The following VTI1B variants were observed in gnomAD, a reference collection of about 807,000 sequenced individuals.
The protein encoded by VTI1B is vesicle transport through interaction with t-SNAREs homolog 1B.
Under a neutral mutation model 28.6 loss-of-function variants are expected in VTI1B, and 18 were observed. That is an observed-to-expected ratio of 0.63 (90% confidence interval 0.43 to 0.93). VTI1B has a LOEUF of 0.93. VTI1B is among the 40% of genes least tolerant of loss of function. The pLI is 0.00. For missense variants in VTI1B, 283 were observed against 297.0 expected (o/e 0.95, Z 0.35); for synonymous variants, 100 against 107.9 (o/e 0.93, Z 0.46).
In VTI1B at chr14:67,649,380, C is replaced by A. The variant is rs2037143044; in HGVS notation, c.*2005G>T. ...CTACAAAAAATAATTAGCCAGGTGT[C>A]CCAACTACTTGGGAGGTTGAGGCTG... On this transcript the variant is annotated 3_prime_UTR_variant, in exon 6 of 6. Transcript: ENST00000554659. 1 of 152,038 alleles carries A rather than the reference C, an allele frequency of 6.6e-6. No individual in the cohort carries two copies. The highest frequency in any genetic ancestry group is 6.6e-5 in the Admixed American group (1 of 15,248). The allele number at this position is 152,038 out of a possible 1,614,324, so 9.4% of individuals were successfully genotyped here.
At chr14:67,662,188 A>G (rs201302728) in intron 2 of VTI1B, among the ~76,000 whole-genome samples, 5 of 152,072 alleles carry the variant, frequency 3.3e-5, no homozygotes, top group African/African-American at 9.7e-5. Flanking sequence ...ACAAAAAAAA[A>G]AACAACAGAT....
Position 67,674,514 on chromosome 14 carries a change from G to A in VTI1B, c.-25C>T, listed in dbSNP as rs2037510114. 3.8e-6 allele frequency: 6 copies of A among 1,568,720 alleles called. No homozygotes were observed. The highest frequency in any genetic ancestry group is 1.9e-5 in the Admixed American group (1 of 53,204). On this transcript the variant is annotated 5_prime_UTR_variant, in exon 1 of 6. Coordinates refer to ENST00000554659, the MANE Select transcript of VTI1B (RefSeq NM_006370.3). Reference sequence around the variant, plus strand: ...TGGCGCAGGCCGCGCTGGAGCAGCGGCCACCGAGATTCGGGGCCCTGGGCC... The same window carrying A: ...TGGCGCAGGCCGCGCTGGAGCAGCGACCACCGAGATTCGGGGCCCTGGGCC...
At position 67,659,714 on chromosome 14, in the gene VTI1B, A is replaced by T. The variant is rs747566724; in HGVS notation, c.366+17T>A. 1.2e-5 allele frequency: 19 copies of T among 1,573,274 alleles called. No individual in the cohort carries two copies. The highest frequency in any genetic ancestry group is 2.0e-5 in the Admixed American group (1 of 50,642). ...CCTTAAAGGAAAAAAAAAACAAACA[A>T]AACAGCTAAAACTTACCATATGCTC... On this transcript the variant is annotated intron_variant, in intron 3 of 5. Transcript: ENST00000554659.
intron 5 of VTI1B, 128 bp from the exon 6 acceptor site, chr14:67,651,609 G>A (rs2037178473): frequency 2.0e-6 from 2 of 1,015,084 alleles, no homozygotes; most frequent in East Asian, 2.8e-5. Flanking sequence ...CAGCCACTTA[G>A]CAGGAAGTAC....
chr14:67,658,387 G>A (rs1476481638), intron 3 of VTI1B, among the ~76,000 whole-genome samples: 1 of 152,078 alleles, frequency 6.6e-6, no homozygotes, highest in Non-Finnish European at 1.5e-5. Context: ...AAGGTCAGGA[G>A]ATGGAGATCA....
At chr14:67,653,305 G>C in intron 5 of VTI1B, 132 bp downstream of exon 5, 1 of 652,772 alleles carries the variant, frequency 1.5e-6, no homozygotes, top group East Asian at 2.7e-5. Flanking sequence ...TCTGCTGGGT[G>C]GTACTGAGTA....
In VTI1B at chr14:67,674,359, C is replaced by A; in HGVS notation, c.115+16G>T. 2 of 1,573,820 alleles carry A rather than the reference C, an allele frequency of 1.3e-6. No homozygotes were observed. The highest frequency in any genetic ancestry group is 2.3e-5 in the South Asian group (2 of 87,378). On this transcript the variant is annotated intron_variant, in intron 1 of 5. Transcript: ENST00000554659. ...CAGGGCTGCGCTCCCCACGGCGTGG[C>A]CCACCCCCGCCTCACCGGTCCCCGC...
Position 67,650,078 on chromosome 14 carries a change from A to C in VTI1B, c.*1307T>G, listed in dbSNP as rs2037152248. 6.6e-6 allele frequency: 1 copy of C among 152,294 alleles called. No individual in the cohort carries two copies. Among genetic ancestry groups the C allele is most frequent in the East Asian group, 1.9e-4 (1 of 5,190 alleles). 9.4% of individuals were successfully genotyped at this position (152,294 alleles called of 1,614,324 possible). A position where few individuals can be genotyped will look rare whatever the true frequency, so the allele number is the denominator to read the frequency against. On this transcript the variant is annotated 3_prime_UTR_variant, in exon 6 of 6. Coordinates refer to ENST00000554659, the MANE Select transcript of VTI1B (RefSeq NM_006370.3). Reference sequence around the variant, plus strand: ...GATAAAATAATTAACATATGGCTGAATTTTCTCTTGATCAAGTACAAGACA... The same window carrying C: ...GATAAAATAATTAACATATGGCTGACTTTTCTCTTGATCAAGTACAAGACA...
At chr14:67,661,225 G>A (rs1459526162) in intron 2 of VTI1B, among the ~76,000 whole-genome samples, 3 of 134,738 alleles carry the variant, frequency 2.2e-5, no homozygotes, top group African/African-American at 8.2e-5. Context: ...GTTTGCTGAA[G>A]CTAGAGTATG....
intron 2 of VTI1B, among the ~76,000 whole-genome samples, chr14:67,661,529 C>CTTT (rs35440818): frequency 4.0e-4 from 44 of 110,042 alleles, no homozygotes; most frequent in East Asian, 2.1e-3. Context: ...GAACAGTAAC[C>CTTT]TTTTTTTTTT....
rs370664951 is a variant in VTI1B, at chr14:67,669,316, T to C, written c.115+5059A>G. ...ACGGAGTCTTGCTCTGTCACCCAGG[T>C]TGGAGTGCAATGATGTGATGACAGC... On this transcript the variant is annotated intron_variant, in intron 1 of 5. Coordinates refer to ENST00000554659, the MANE Select transcript of VTI1B (RefSeq NM_006370.3). Among the ~76,000 whole-genome samples, 46 of 151,614 alleles carry C rather than the reference T, an allele frequency of 3.0e-4. 1 individual carries two copies. Among genetic ancestry groups the C allele is most frequent in the African/African-American group, 1.1e-3 (45 of 41,316 alleles).
chr14:67,654,951 C>T (rs2037235074), intron 4 of VTI1B, among the ~76,000 whole-genome samples: 1 of 146,284 alleles, frequency 6.8e-6, no homozygotes, highest in South Asian at 2.2e-4. Context: ...ATGGCATGAA[C>T]CTGGGAGGCG....
intron 1 of VTI1B, 56 bp from the exon 2 acceptor site, chr14:67,662,591 G>A (rs2037351502): frequency 4.0e-6 from 6 of 1,483,104 alleles, no homozygotes; most frequent in Admixed American, 3.8e-5. Context: ...CATTTGTAAA[G>A]GCCATTCCCT....
chr14:67,653,496 C>T lies in VTI1B; in HGVS notation c.543G>A (p.Leu181=), dbSNP rs767823184. 18 of 1,613,256 alleles carry T rather than the reference C, an allele frequency of 1.1e-5. No individual in the cohort carries two copies. The Admixed American group carries it at 2.8e-4, about 25-fold the overall frequency. ...RDQLERTKSR[L]VNTSENLSKS... is the part of the protein sequence containing the mutation. ...TGCTCAAGTTTTCACTTGTGTTTAC[C>T]AGCTGAGAAGAGAAAATAGTGATTA... The change falls in exon 5 of 6, where the codon CTG becomes CTA. Residue 181 remains leucine (L), a splice_region_variant and synonymous_variant. Coordinates refer to ENST00000554659, the MANE Select transcript of VTI1B (RefSeq NM_006370.3).
intron 1 of VTI1B, among the ~76,000 whole-genome samples, chr14:67,666,573 C>T (rs1335283082): frequency 6.6e-6 from 1 of 152,238 alleles, no homozygotes; most frequent in Non-Finnish European, 1.5e-5. Flanking sequence ...ATTCAAGAGA[C>T]TGATCTCTAC....
At chr14:67,665,425 C>T (rs530522066) in intron 1 of VTI1B, among the ~76,000 whole-genome samples, 1 of 151,974 alleles carries the variant, frequency 6.6e-6, no homozygotes, top group African/African-American at 2.4e-5. Context: ...GTGCAGGTTA[C>T]CACACACAGC....
At chr14:67,669,822 G>A (rs1161549569) in intron 1 of VTI1B, among the ~76,000 whole-genome samples, 3 of 152,178 alleles carry the variant, frequency 2.0e-5, no homozygotes, top group Non-Finnish European at 4.4e-5. Context: ...CTCTTGGGCC[G>A]GGAACTGTAG....
In VTI1B at chr14:67,649,172, C is replaced by T. The variant is rs1270522551; in HGVS notation, c.*2213G>A. The T allele has an allele frequency of 6.6e-6, 1 of 152,144 alleles. No individual in the cohort carries two copies. Among genetic ancestry groups the T allele is most frequent in the Non-Finnish European group, 1.5e-5 (1 of 68,040 alleles). The allele number at this position is 152,144 out of a possible 1,614,324, so 9.4% of individuals were successfully genotyped here. A position where few individuals can be genotyped will look rare whatever the true frequency, so the allele number is the denominator to read the frequency against. Reference sequence around the variant, plus strand: ...GAGCAGGGGTTAATAACCTCTAGCACTTATATATGGCATGGCTTGTCTCTT... The same window carrying T: ...GAGCAGGGGTTAATAACCTCTAGCATTTATATATGGCATGGCTTGTCTCTT... On this transcript the variant is annotated 3_prime_UTR_variant, in exon 6 of 6. Transcript: ENST00000554659.
At position 67,674,601 on chromosome 14, in the gene VTI1B, C is replaced by A. The variant is rs1024406430; in HGVS notation, c.-112G>T. 17 of 827,514 alleles carry A rather than the reference C, an allele frequency of 2.1e-5. No homozygotes were observed. Among genetic ancestry groups the A allele is most frequent in the Non-Finnish European group, 2.4e-5 (14 of 578,364 alleles). 51.3% of individuals were successfully genotyped at this position (827,514 alleles called of 1,614,324 possible). On this transcript the variant is annotated 5_prime_UTR_variant, in exon 1 of 6. Transcript: ENST00000554659. ...GCCATAACGGCGACCGCCGCACCAC[C>A]GCCGCCCAGGACGAGGCTCTTCCGG...
Sources: allele counts gnomAD v4.1 joint callset (sites outside exome capture counted in the v4.1 genomes callset), GRCh38; gene constraint gnomAD v4.1.1; transcripts MANE v1.5; gene names NCBI Gene and HGNC (gene_info 2026-07-23, HGNC 2026-07-21).